COL13A1: variants seen among roughly 807,000 people sequenced by gnomAD.
COL13A1 encodes the protein collagen type XIII alpha 1 chain, also known as collagen alpha-1(XIII) chain.
COL13A1 carries 89 observed loss-of-function variants against 130.9 expected under a neutral mutation model. The ratio of observed to expected loss-of-function variants is 0.68; its 90% CI spans 0.57 to 0.81. COL13A1 has a LOEUF of 0.81. COL13A1 is among the 30% of genes least tolerant of loss of function. The pLI is 0.00. For missense variants in COL13A1, 879 were observed against 934.6 expected (o/e 0.94, Z 0.78); for synonymous variants, 402 against 341.6 (o/e 1.18, Z -1.95).
chr10:69,864,142 A>G (rs1859091691), intron 2 of COL13A1, among the ~76,000 whole-genome samples: 1 of 152,216 alleles, frequency 6.6e-6, no homozygotes, highest in South Asian at 2.1e-4. Context: ...ATCATCTAAG[A>G]GCAAGGTGAC....
At chr10:69,951,023 AT>A (rs1024741634) in intron 38 of COL13A1, among the ~76,000 whole-genome samples, 5 of 151,958 alleles carry the variant, frequency 3.3e-5, no homozygotes, top group Admixed American at 2.6e-4. Context: ...TAATTTTTGT[AT>A]TTTTAGTAGA....
At position 69,906,145 on chromosome 10, in the gene COL13A1, ACTG is replaced by A. The variant is rs370880864; in HGVS notation, c.921+325_921+327del. ...TTATTAAGTGCTACTGTCACAAGGC[ACTG>A]CACGATTACAGGAGGTGGAGAGACA... On this transcript the variant is annotated intron_variant, in intron 17 of 40. Transcript: ENST00000645393. 5.1e-4 allele frequency among the ~76,000 whole-genome samples: 78 copies of A among 152,384 alleles called. 1 individual carries two copies. Among genetic ancestry groups the A allele is most frequent in the African/African-American group, 1.7e-3 (69 of 41,596 alleles).
intron 37 of COL13A1, among the ~76,000 whole-genome samples, chr10:69,946,175 G>A (rs1237323129): frequency 1.3e-5 from 2 of 151,940 alleles, no homozygotes; most frequent in African/African-American, 4.8e-5. Flanking sequence ...AGACAAAGCT[G>A]CCAAGAGGCA....
chr10:69,933,510 G>C (rs913471898), intron 31 of COL13A1, among the ~76,000 whole-genome samples: 2 of 152,190 alleles, frequency 1.3e-5, no homozygotes, highest in African/African-American at 4.8e-5. Context: ...AGGATGTTTG[G>C]TGGCGGGGTC....
At chr10:69,888,470 T>G in intron 9 of COL13A1, 140 bp downstream of exon 9, 1 of 1,227,610 alleles carries the variant, frequency 8.1e-7, no homozygotes, top group East Asian at 2.6e-5. Context: ...TAGTGGGAAG[T>G]GGAGGGGGCC....
intron 7 of COL13A1, among the ~76,000 whole-genome samples, chr10:69,885,911 G>A (rs2060552905): frequency 6.6e-6 from 1 of 152,146 alleles, no homozygotes; most frequent in Non-Finnish European, 1.5e-5. Flanking sequence ...TCCTAAGCCT[G>A]TGGCAGACTT....
At chr10:69,815,700 G>A (rs551964000) in intron 1 of COL13A1, among the ~76,000 whole-genome samples, 1 of 152,308 alleles carries the variant, frequency 6.6e-6, no homozygotes, top group Non-Finnish European at 1.5e-5. Context: ...GTCTCCCATT[G>A]TGCAAGAGAG....
chr10:69,854,689 G>A (rs1366511716), intron 2 of COL13A1, among the ~76,000 whole-genome samples: 1 of 152,034 alleles, frequency 6.6e-6, no homozygotes, highest in African/African-American at 2.4e-5. Flanking sequence ...TGCCAAGTAC[G>A]TTTCCTCACA....
Position 69,880,501 on chromosome 10 carries a change from A to C in COL13A1, c.463-2A>C. 2 of 1,606,628 alleles carry C rather than the reference A, an allele frequency of 1.2e-6. No individual in the cohort carries two copies. The highest frequency in any genetic ancestry group is 1.1e-5 in the South Asian group (1 of 90,822). Reference sequence around the variant, plus strand: ...CCTCTCCCCCTTCCTCTCTCCCCGCAGGGGTCCCCCGGAGACGCTGGGCTG... The same window carrying C: ...CCTCTCCCCCTTCCTCTCTCCCCGCCGGGGTCCCCCGGAGACGCTGGGCTG... On this transcript the variant is annotated splice_acceptor_variant, in intron 6 of 40. Coordinates refer to ENST00000645393, the MANE Select transcript of COL13A1 (RefSeq NM_001368882.1). LOFTEE classifies it high-confidence loss of function.
At position 69,802,249 on chromosome 10, in the gene COL13A1, T is replaced by C; in HGVS notation, c.-175T>C. ...ACCGCTGGTTGTGCTTTTTCGGCAC[T>C]TCCTCTCCTACTGCTAATTTTTCCG... On this transcript the variant is annotated 5_prime_UTR_variant, in exon 1 of 41. Transcript: ENST00000645393. The C allele has an allele frequency of 8.0e-6, 6 of 747,596 alleles. No homozygotes were observed. The highest frequency in any genetic ancestry group is 1.2e-5 in the Non-Finnish European group (6 of 514,958). 46.3% of individuals were successfully genotyped at this position (747,596 alleles called of 1,614,324 possible).
chr10:69,906,142 G>A (rs1315137398), intron 17 of COL13A1, among the ~76,000 whole-genome samples: 1 of 152,212 alleles, frequency 6.6e-6, no homozygotes, highest in Non-Finnish European at 1.5e-5. Context: ...ACTGTCACAA[G>A]GCACTGCACG....
chr10:69,803,075 C>A, intron 1 of COL13A1, among the ~76,000 whole-genome samples: 1 of 152,170 alleles, frequency 6.6e-6, no homozygotes, highest in East Asian at 1.9e-4. Context: ...GTGTGACAGC[C>A]GCCCCGCGCC....
At chr10:69,835,662 T>C (rs1849852147) in intron 2 of COL13A1, among the ~76,000 whole-genome samples, 1 of 152,100 alleles carries the variant, frequency 6.6e-6, no homozygotes, top group Non-Finnish European at 1.5e-5. Flanking sequence ...GGTTAGGCAG[T>C]GGCAGGGTTG....
intron 28 of COL13A1, 48 bp downstream of exon 28, chr10:69,929,047 A>G (rs1375266243): frequency 1.4e-6 from 2 of 1,458,054 alleles, no homozygotes; most frequent in Admixed American, 3.5e-5. Flanking sequence ...AAGGGCATCG[A>G]CCCCAGGGCT....
At position 69,875,137 on chromosome 10, in the gene COL13A1, G is replaced by A; in HGVS notation, c.409G>A (p.Gly137Ser). 6.2e-7 allele frequency: 1 copy of A among 1,613,964 alleles called. No individual in the cohort carries two copies. Residue 137 changes from glycine (G) to serine (S), a missense_variant, in exon 5 of 41, where the codon GGT (glycine) becomes AGT (serine). Coordinates refer to ENST00000645393, the MANE Select transcript of COL13A1 (RefSeq NM_001368882.1). ...CCTCCTTCATCATCAGGGGGACAAA[G>A]GTGCCATTGGGATGCCTGGACGTGT... ...TGRPGLPGDKGAIGMPGRVGV... is the reference protein window; with the variant it reads ...TGRPGLPGDKSAIGMPGRVGV...
intron 29 of COL13A1, 128 bp downstream of exon 29, chr10:69,930,215 G>C (rs1208026724): frequency 1.8e-6 from 2 of 1,092,100 alleles, no homozygotes; most frequent in African/African-American, 1.6e-5. Flanking sequence ...GGAGATGGGG[G>C]GGGGCAGGGA....
intron 17 of COL13A1, among the ~76,000 whole-genome samples, chr10:69,916,372 T>C (rs993389310): frequency 6.6e-6 from 1 of 152,106 alleles, no homozygotes; most frequent in Non-Finnish European, 1.5e-5. Context: ...CTGGACACCA[T>C]CCCGGGCCCC....
chr10:69,890,578 C>G (rs1008678258), intron 10 of COL13A1, among the ~76,000 whole-genome samples: 2 of 152,246 alleles, frequency 1.3e-5, no homozygotes, highest in Non-Finnish European at 2.9e-5. Flanking sequence ...CAACCCTTGA[C>G]CCATGACTGG....
chr10:69,901,842 G>A (rs1565000149), intron 14 of COL13A1, among the ~76,000 whole-genome samples: 1 of 152,202 alleles, frequency 6.6e-6, no homozygotes, highest in Non-Finnish European at 1.5e-5. Context: ...TCCATCCCGT[G>A]GACAGGCATG....
Sources: allele counts gnomAD v4.1 joint callset (sites outside exome capture counted in the v4.1 genomes callset), GRCh38; gene constraint gnomAD v4.1.1; transcripts MANE v1.5; gene names NCBI Gene and HGNC (gene_info 2026-07-23, HGNC 2026-07-21).